Variants in CALCR observed in about 807,000 individuals in gnomAD.
The protein encoded by CALCR is calcitonin receptor.
In CALCR, 47 loss-of-function variants were observed where a neutral mutation model predicts 59.5. That is an observed-to-expected ratio of 0.79 (90% CI 0.63 to 1.01). The LOEUF (loss-of-function observed/expected upper bound fraction) is 1.01, where lower values mean the gene tolerates loss of function less well. Ranked by LOEUF, CALCR falls within the 50% of genes least tolerant of loss-of-function variation. The pLI is 0.00. For synonymous variants in CALCR, 213 were observed against 211.3 expected, an observed-to-expected ratio of 1.01 and a Z score of -0.07; for missense variants, 566 against 597.1, an observed-to-expected ratio of 0.95 and a Z score of 0.54.
At chr7:93,444,086 G>A (rs1799964643) in intron 8 of CALCR, among the ~76,000 whole-genome samples, 1 of 152,142 alleles carries the variant, frequency 6.6e-6, no homozygotes, top group Admixed American at 6.6e-5. Flanking sequence ...AGGATTTGAT[G>A]CATGACTTTT....
At chr7:93,519,065 T>A (rs981585860) in intron 2 of CALCR, among the ~76,000 whole-genome samples, 2 of 151,996 alleles carry the variant, frequency 1.3e-5, no homozygotes, top group African/African-American at 4.8e-5. Context: ...TTATGCTTAT[T>A]AACACTGCTG....
At chr7:93,429,891 AAAGT>A (rs1226114633) in intron 13 of CALCR, among the ~76,000 whole-genome samples, 2 of 151,442 alleles carry the variant, frequency 1.3e-5, no homozygotes, top group African/African-American at 4.8e-5. Flanking sequence ...TAGAAGTTAA[AAAGT>A]AATTGCACAC....
chr7:93,566,403 G>T (rs992301451), intron 2 of CALCR, among the ~76,000 whole-genome samples: 1 of 152,144 alleles, frequency 6.6e-6, no homozygotes. Flanking sequence ...TTGAGTTGGA[G>T]AGCTGAGTTT....
chr7:93,468,887 G>T, intron 6 of CALCR, 81 bp from the exon 7 acceptor site: 1 of 699,228 alleles, frequency 1.4e-6, no homozygotes, highest in Non-Finnish European at 2.2e-6. Context: ...CTAAATATAT[G>T]TAAATCAACA....
chr7:93,454,568 C>A (rs911375284), intron 8 of CALCR, among the ~76,000 whole-genome samples: 2 of 151,582 alleles, frequency 1.3e-5, no homozygotes, highest in Admixed American at 1.3e-4. Context: ...GCTTTTAATT[C>A]TGCCTCCTGA....
At chr7:93,519,792 T>C (rs1288346043) in intron 2 of CALCR, among the ~76,000 whole-genome samples, 1 of 151,918 alleles carries the variant, frequency 6.6e-6, no homozygotes, top group Non-Finnish European at 1.5e-5. Context: ...TAAGAGCTGA[T>C]GGTTAAATAG....
chr7:93,534,355 T>C (rs958810883), intron 2 of CALCR, among the ~76,000 whole-genome samples: 1 of 151,768 alleles, frequency 6.6e-6, no homozygotes, highest in South Asian at 2.1e-4. Context: ...AGCTGAGATT[T>C]GTAAAGTAGG....
intron 5 of CALCR, among the ~76,000 whole-genome samples, chr7:93,477,347 C>T (rs1800687469): frequency 6.6e-6 from 1 of 151,768 alleles, no homozygotes; most frequent in Non-Finnish European, 1.5e-5. Flanking sequence ...AATACCAACA[C>T]ATATAACTGA....
intron 2 of CALCR, among the ~76,000 whole-genome samples, chr7:93,523,248 G>A (rs1224069103): frequency 1.3e-5 from 2 of 152,108 alleles, no homozygotes; most frequent in Non-Finnish European, 2.9e-5. Flanking sequence ...ATTCTGGATA[G>A]TATATTCCTT....
intron 7 of CALCR, among the ~76,000 whole-genome samples, chr7:93,466,217 G>A (rs1800438333): frequency 1.3e-5 from 2 of 151,734 alleles, no homozygotes; most frequent in African/African-American, 4.8e-5. Flanking sequence ...CCATTTAAGT[G>A]CATAAATTAT....
At chr7:93,557,385 GA>G (rs1016322336) in intron 2 of CALCR, among the ~76,000 whole-genome samples, 3 of 151,704 alleles carry the variant, frequency 2.0e-5, no homozygotes, top group East Asian at 3.9e-4. Context: ...ACATATACAA[GA>G]AAAAAATGAT....
chr7:93,476,182 G>A (rs946812329), intron 5 of CALCR, among the ~76,000 whole-genome samples: 6 of 151,650 alleles, frequency 4.0e-5, no homozygotes, highest in Non-Finnish European at 7.4e-5. Context: ...AAAATTGTTT[G>A]TTTGTCTTCA....
chr7:93,474,855 A>C (rs1164760700), intron 5 of CALCR, among the ~76,000 whole-genome samples: 2 of 151,774 alleles, frequency 1.3e-5, no homozygotes, highest in African/African-American at 2.4e-5. Context: ...ACGTATAGAT[A>C]ATGCTTTTAT....
intron 8 of CALCR, among the ~76,000 whole-genome samples, chr7:93,450,844 C>A (rs886656803): frequency 6.6e-6 from 1 of 151,602 alleles, no homozygotes; most frequent in African/African-American, 2.4e-5. Flanking sequence ...TAATATATAC[C>A]CTGTAACATC....
At chr7:93,515,425 T>C (rs995535818) in intron 2 of CALCR, among the ~76,000 whole-genome samples, 5 of 151,978 alleles carry the variant, frequency 3.3e-5, no homozygotes, top group African/African-American at 1.2e-4. Context: ...AATGCATGCA[T>C]GCTTGGAAAA....
At chr7:93,477,819 T>C (rs944263233) in intron 4 of CALCR, 151 bp from the exon 5 acceptor site, 8 of 587,890 alleles carry the variant, frequency 1.4e-5, no homozygotes, top group Admixed American at 2.8e-5. Context: ...ATTTTGGAAA[T>C]AAAGTTTCAA....
At chr7:93,447,604 C>T (rs775514633) in intron 8 of CALCR, among the ~76,000 whole-genome samples, 2 of 151,820 alleles carry the variant, frequency 1.3e-5, no homozygotes, top group African/African-American at 2.4e-5. Flanking sequence ...TCTGTGGAAA[C>T]AACGAAAAGC....
rs1799533168 is a variant in CALCR at position 93,426,513 on chromosome 7, T to C, written c.1268A>G (p.Asn423Ser). 1.9e-6 allele frequency: 3 copies of C among 1,613,844 alleles called. No individual in the cohort carries two copies. The highest frequency in any genetic ancestry group is 2.7e-5 in the African/African-American group (2 of 74,894). ...AGCGGCTGCAGCGCGAGCAGAGCGG[T>C]TGGAGGGGCGCCTCCCCCAACGCTG... ...WNQRWGRRPS[N>S]RSARAAAAAA... Residue 423 changes from asparagine (N) to serine (S), a missense_variant, in exon 14 of 14, where the codon AAC (asparagine) becomes AGC (serine). By Grantham distance (46) the Asn-to-Ser change is conservative. Coordinates refer to ENST00000426151, the MANE Select transcript of CALCR (RefSeq NM_001742.4).
intron 2 of CALCR, among the ~76,000 whole-genome samples, chr7:93,558,515 G>A (rs2116256849): frequency 6.6e-6 from 1 of 152,190 alleles, no homozygotes; most frequent in African/African-American, 2.4e-5. Flanking sequence ...ATTTCTCAAA[G>A]AATCAGTAGA....
Sources: gnomAD v4.1 joint callset for allele counts (sites outside exome capture counted in the v4.1 genomes callset) on GRCh38, gnomAD v4.1.1 for gene constraint, MANE v1.5 for transcripts, NCBI Gene and HGNC (gene_info 2026-07-23, HGNC 2026-07-21) for gene names.